SKAP1: variants seen among roughly 807,000 people sequenced by gnomAD.
SKAP1 encodes src kinase associated phosphoprotein 1, also known as src kinase-associated phosphoprotein 1.
In SKAP1, 44 loss-of-function variants were observed where a neutral mutation model predicts 58.5. The ratio of observed to expected loss-of-function variants is 0.75; its 90% CI spans 0.59 to 0.97. SKAP1 has a LOEUF of 0.97. SKAP1 is among the 50% of genes least tolerant of loss of function. SKAP1 has a pLI of 0.00. For synonymous variants in SKAP1, 127 were observed against 149.7 expected (o/e 0.85, Z 1.11); for missense variants, 390 against 435.2 (o/e 0.90, Z 0.92).
intron 6 of SKAP1, among the ~76,000 whole-genome samples, chr17:48,187,264 A>T (rs2123341): frequency 3.3e-5 from 5 of 152,114 alleles, no homozygotes; most frequent in South Asian, 2.1e-4. Context: ...TGGCTCATTA[A>T]GAAACTATCT....
chr17:48,349,639 A>G (rs1049349977), intron 3 of SKAP1, among the ~76,000 whole-genome samples: 11 of 152,204 alleles, frequency 7.2e-5, no homozygotes, highest in African/African-American at 2.7e-4. Context: ...GGCGTTAGAT[A>G]CACTCCTTGG....
chr17:48,207,205 T>C (rs1051519784), intron 4 of SKAP1, among the ~76,000 whole-genome samples: 14 of 151,880 alleles, frequency 9.2e-5, no homozygotes, highest in African/African-American at 3.1e-4. Context: ...CTTGCACAGG[T>C]TGGGCATGGT....
At chr17:48,174,029 T>C (rs1316657) in intron 9 of SKAP1, among the ~76,000 whole-genome samples, 84,943 of 152,118 alleles carry the variant, frequency 0.56, 24,708 homozygotes, top group East Asian at 0.77. Flanking sequence ...TTTATTCTTT[T>C]GGGCAACAGC....
intron 10 of SKAP1, among the ~76,000 whole-genome samples, chr17:48,165,367 T>C (rs920078113): frequency 6.9e-5 from 10 of 144,972 alleles, no homozygotes; most frequent in African/African-American, 2.3e-4. Flanking sequence ...GAGGAGACTT[T>C]GCTTTCTTTT....
intron 4 of SKAP1, among the ~76,000 whole-genome samples, chr17:48,312,301 T>G (rs2144182693): frequency 6.6e-6 from 1 of 152,344 alleles, no homozygotes; most frequent in African/African-American, 2.4e-5. Flanking sequence ...ACTTTTAATA[T>G]CTGCAAGAAT....
chr17:48,184,589 T>C (rs1160834003), intron 7 of SKAP1, 134 bp downstream of exon 7: 7 of 1,100,338 alleles, frequency 6.4e-6, no homozygotes, highest in African/African-American at 1.6e-5. Context: ...TGCCAAGAAA[T>C]AGGGTCTTCG....
chr17:48,332,768 T>C (rs1177647663), intron 4 of SKAP1, among the ~76,000 whole-genome samples: 1 of 152,176 alleles, frequency 6.6e-6, no homozygotes, highest in African/African-American at 2.4e-5. Flanking sequence ...TTTAGGGTTT[T>C]AAAAAAATTC....
At chr17:48,430,237 G>A (rs2067901724), upstream of SKAP1, 3 of 557,264 alleles carry the variant, frequency 5.4e-6, no homozygotes, top group Non-Finnish European at 7.2e-6. Flanking sequence ...GTCGCCGCCC[G>A]CCCAGCCCGG....
chr17:48,147,282 C>T (rs1231534829), intron 11 of SKAP1, among the ~76,000 whole-genome samples: 3 of 152,180 alleles, frequency 2.0e-5, no homozygotes, highest in East Asian at 3.9e-4. Flanking sequence ...TTTATGATTG[C>T]TTATTTCTCT....
chr17:48,389,903 T>A (rs1416794240), intron 2 of SKAP1, among the ~76,000 whole-genome samples: 1 of 152,116 alleles, frequency 6.6e-6, no homozygotes, highest in African/African-American at 2.4e-5. Context: ...ATAAAAGAAA[T>A]CAAATAGAAG....
At chr17:48,240,023 T>C (rs1226601299) in intron 4 of SKAP1, among the ~76,000 whole-genome samples, 2 of 152,186 alleles carry the variant, frequency 1.3e-5, no homozygotes, top group African/African-American at 4.8e-5. Context: ...TGTTCATGGA[T>C]TCAGTTAGTA....
chr17:48,137,368 A>G (rs540968106), intron 11 of SKAP1, 31 bp from the exon 12 acceptor site: 4 of 1,480,672 alleles, frequency 2.7e-6, no homozygotes, highest in South Asian at 1.1e-5. Flanking sequence ...AGCGTCAGTT[A>G]GAATTTGTTC....
chr17:48,202,004 T>C (rs1343050112), intron 4 of SKAP1, among the ~76,000 whole-genome samples: 1 of 152,198 alleles, frequency 6.6e-6, no homozygotes, highest in Non-Finnish European at 1.5e-5. Flanking sequence ...TTGCATCCTG[T>C]GAGCAAACAT....
intron 4 of SKAP1, among the ~76,000 whole-genome samples, chr17:48,228,955 G>A (rs936207444): frequency 6.6e-6 from 1 of 152,150 alleles, no homozygotes; most frequent in Non-Finnish European, 1.5e-5. Flanking sequence ...GGGCAGATAA[G>A]GAAAGACACC....
At chr17:48,354,323 T>C (rs577670804) in intron 3 of SKAP1, among the ~76,000 whole-genome samples, 2 of 152,340 alleles carry the variant, frequency 1.3e-5, no homozygotes, top group African/African-American at 4.8e-5. Flanking sequence ...TTCAGTTCAA[T>C]ATTTGGTTCC....
At chr17:48,373,323 C>T (rs1329772435) in intron 2 of SKAP1, among the ~76,000 whole-genome samples, 2 of 152,118 alleles carry the variant, frequency 1.3e-5, no homozygotes, top group African/African-American at 2.4e-5. Flanking sequence ...ATCATGAGAG[C>T]AGCAAGGGGC....
At chr17:48,169,929 C>T (rs1016361351) in intron 10 of SKAP1, among the ~76,000 whole-genome samples, 22 of 152,116 alleles carry the variant, frequency 1.4e-4, no homozygotes, top group African/African-American at 5.1e-4. Context: ...GTGGCCCTTG[C>T]AATGTGCAGC....
chr17:48,178,979 C>T lies in SKAP1; in HGVS notation c.826+1075G>A, dbSNP rs191303048. 6.6e-5 allele frequency among the ~76,000 whole-genome samples: 10 copies of T among 152,262 alleles called. No homozygotes were observed. The East Asian group carries it at 7.7e-4, about 12-fold the overall frequency. ...TGCCACTTGACTCAGGAAGCAAAGACGTAGCTTCTTCCCCAGGAAGAGATG... is the reference window on the plus strand; with the variant it reads ...TGCCACTTGACTCAGGAAGCAAAGATGTAGCTTCTTCCCCAGGAAGAGATG... On this transcript the variant is annotated intron_variant, in intron 9 of 12. Transcript: ENST00000336915.
intron 4 of SKAP1, among the ~76,000 whole-genome samples, chr17:48,290,647 C>G (rs1240977885): frequency 1.4e-5 from 1 of 69,776 alleles, no homozygotes. Context: ...TCATTTATTG[C>G]CCCCTGAGGA....
Sources: gnomAD v4.1 joint callset for allele counts (sites outside exome capture counted in the v4.1 genomes callset) on GRCh38, gnomAD v4.1.1 for gene constraint, MANE v1.5 for transcripts, NCBI Gene and HGNC (gene_info 2026-07-23, HGNC 2026-07-21) for gene names.